CAMK4: variants seen among roughly 807,000 people sequenced by gnomAD.
CAMK4 encodes the protein calcium/calmodulin-dependent protein kinase type IV.
Under a neutral mutation model 44.9 loss-of-function variants are expected in CAMK4, and 22 were observed. That is an observed-to-expected ratio of 0.49 (90% CI 0.35 to 0.70). The LOEUF is 0.70. Among genes scored for constraint, CAMK4 ranks in the 30% least tolerant of loss-of-function variants. The pLI, the probability that CAMK4 is intolerant of heterozygous loss-of-function variation, is 0.01. For missense variants in CAMK4, 498 were observed against 586.8 expected (o/e 0.85, Z 1.56); for synonymous variants, 218 against 215.4 (o/e 1.01, Z -0.11).
intron 5 of CAMK4, among the ~76,000 whole-genome samples, chr5:111,443,074 G>T (rs903613227): frequency 1.4e-5 from 2 of 147,852 alleles, no homozygotes; most frequent in African/African-American, 4.9e-5. Context: ...TATCTTTTTG[G>T]GAAAAGAAAA....
Position 111,488,341 on chromosome 5 carries a change from C to T in CAMK4, c.*3875C>T, listed in dbSNP as rs1339944613. The T allele has an allele frequency of 1.3e-5, 2 of 152,156 alleles. No individual in the cohort carries two copies. The highest frequency in any genetic ancestry group is 4.8e-5 in the African/African-American group (2 of 41,434). 9.4% of individuals were successfully genotyped at this position (152,156 alleles called of 1,614,324 possible). On this transcript the variant is annotated 3_prime_UTR_variant, in exon 11 of 11. Coordinates refer to ENST00000282356, the MANE Select transcript of CAMK4 (RefSeq NM_001744.6). The stretch of plus-strand genomic sequence containing the variant: ...CTTAGAAGGGTTTAATCAACACTGC[C>T]ATTACACATGGATTTAACAAAAGAC...
chr5:111,264,454 G>A (rs770280759), intron 1 of CAMK4, among the ~76,000 whole-genome samples: 1 of 152,170 alleles, frequency 6.6e-6, no homozygotes, highest in African/African-American at 2.4e-5. Flanking sequence ...GTTCTTGAAT[G>A]CATGAAGGGT....
intron 1 of CAMK4, among the ~76,000 whole-genome samples, chr5:111,338,762 A>G (rs1245185342): frequency 2.0e-5 from 3 of 151,320 alleles, no homozygotes; most frequent in African/African-American, 7.3e-5. Flanking sequence ...TGAAGATCCG[A>G]TGGCTGTAGG....
chr5:111,418,885 T>A (rs1752914988), intron 5 of CAMK4, among the ~76,000 whole-genome samples: 1 of 152,198 alleles, frequency 6.6e-6, no homozygotes. Context: ...CTATTGTGAA[T>A]AGTGCCGCAA....
At chr5:111,274,626 A>G (rs1447583485) in intron 1 of CAMK4, among the ~76,000 whole-genome samples, 6 of 152,214 alleles carry the variant, frequency 3.9e-5, no homozygotes, top group Admixed American at 2.0e-4. Context: ...ATCAATGTGT[A>G]TGCACATTTA....
At chr5:111,404,301 C>T (rs912185702) in intron 5 of CAMK4, among the ~76,000 whole-genome samples, 1 of 152,166 alleles carries the variant, frequency 6.6e-6, no homozygotes, top group South Asian at 2.1e-4. Flanking sequence ...ACTTGGGACA[C>T]AAGGACACTC....
At chr5:111,253,832 A>G (rs1204142152) in intron 1 of CAMK4, among the ~76,000 whole-genome samples, 1 of 152,232 alleles carries the variant, frequency 6.6e-6, no homozygotes, top group Non-Finnish European at 1.5e-5. Context: ...ATATTTCTTC[A>G]TCTGAGATAA....
At chr5:111,265,571 A>T (rs1008760663) in intron 1 of CAMK4, among the ~76,000 whole-genome samples, 1 of 152,216 alleles carries the variant, frequency 6.6e-6, no homozygotes, top group South Asian at 2.1e-4. Flanking sequence ...TTAAGGCTTT[A>T]TCCAGCAGGT....
intron 1 of CAMK4, among the ~76,000 whole-genome samples, chr5:111,314,083 T>G (rs1748321962): frequency 6.6e-6 from 1 of 152,122 alleles, no homozygotes; most frequent in African/African-American, 2.4e-5. Flanking sequence ...TAATAGGAAG[T>G]AATGGAAAAA....
chr5:111,308,577 A>T lies in CAMK4; in HGVS notation c.162-35447A>T, dbSNP rs374342468. On this transcript the variant is annotated intron_variant, in intron 1 of 10. Transcript: ENST00000282356. ...TTGGGAGCAATCCTTTTTGGAGATCAATCCAAAATGACAGCTAAGCATCTC... is the reference window on the plus strand; with the variant it reads ...TTGGGAGCAATCCTTTTTGGAGATCTATCCAAAATGACAGCTAAGCATCTC... Among the ~76,000 whole-genome samples, 3 of 152,258 alleles carry T rather than the reference A, an allele frequency of 2.0e-5. No homozygotes were observed. In the East Asian group the frequency reaches 5.8e-4, roughly 29 times the overall value.
At chr5:111,318,182 C>T (rs774157841) in intron 1 of CAMK4, among the ~76,000 whole-genome samples, 1 of 152,074 alleles carries the variant, frequency 6.6e-6, no homozygotes, top group Non-Finnish European at 1.5e-5. Flanking sequence ...CTATCTATGA[C>T]ACAAAATGGC....
At chr5:111,314,243 G>A (rs1231212776) in intron 1 of CAMK4, among the ~76,000 whole-genome samples, 1 of 151,888 alleles carries the variant, frequency 6.6e-6, no homozygotes, top group Non-Finnish European at 1.5e-5. Flanking sequence ...ACTTTTTGGT[G>A]GTCTTGGAAC....
intron 2 of CAMK4, among the ~76,000 whole-genome samples, chr5:111,352,501 C>G (rs949038108): frequency 6.6e-6 from 1 of 151,948 alleles, no homozygotes; most frequent in South Asian, 2.1e-4. Flanking sequence ...GCTGCTATAA[C>G]ATAACATCAC....
At chr5:111,384,337 A>C (rs562714008) in intron 4 of CAMK4, among the ~76,000 whole-genome samples, 24 of 152,120 alleles carry the variant, frequency 1.6e-4, no homozygotes, top group African/African-American at 5.8e-4. Flanking sequence ...CTTTCGTCCA[A>C]CTTTTCAGCC....
At chr5:111,313,246 G>T (rs554252281) in intron 1 of CAMK4, among the ~76,000 whole-genome samples, 26 of 152,140 alleles carry the variant, frequency 1.7e-4, no homozygotes, top group African/African-American at 6.3e-4. Flanking sequence ...CTCACCCCCA[G>T]TTATGATAAC....
At chr5:111,383,669 G>A (rs1370803670) in intron 4 of CAMK4, among the ~76,000 whole-genome samples, 2 of 144,778 alleles carry the variant, frequency 1.4e-5, no homozygotes, top group East Asian at 2.0e-4. Context: ...GTTTCACCAT[G>A]TTCGCCAGGA....
At chr5:111,436,964 A>C (rs1753667724) in intron 5 of CAMK4, among the ~76,000 whole-genome samples, 1 of 152,256 alleles carries the variant, frequency 6.6e-6, no homozygotes, top group Non-Finnish European at 1.5e-5. Flanking sequence ...TAGAACAAAA[A>C]TGAATTAGGT....
rs1261323449 is a variant in CAMK4 at position 111,243,589 on chromosome 5, TG to T, written c.161+18947del. The stretch of plus-strand genomic sequence containing the variant: ...TCTATCATGACTGAGTTAACCTAAC[TG>T]GAAATTTTACTAGCCCTATCATGGG... On this transcript the variant is annotated intron_variant, in intron 1 of 10. Coordinates refer to ENST00000282356, the MANE Select transcript of CAMK4 (RefSeq NM_001744.6). Among the ~76,000 whole-genome samples, 6 of 152,208 alleles carry T rather than the reference TG, an allele frequency of 3.9e-5. No individual in the cohort carries two copies. In the South Asian group the frequency reaches 1.2e-3, roughly 32 times the overall value.
intron 1 of CAMK4, among the ~76,000 whole-genome samples, chr5:111,229,104 G>A (rs1748338382): frequency 6.6e-6 from 1 of 152,228 alleles, no homozygotes; most frequent in Admixed American, 6.5e-5. Context: ...AAGGGCTTCA[G>A]CCAATGTTCT....
Sources: allele counts gnomAD v4.1 joint callset (sites outside exome capture counted in the v4.1 genomes callset), GRCh38; gene constraint gnomAD v4.1.1; transcripts MANE v1.5; gene names NCBI Gene and HGNC (gene_info 2026-07-23, HGNC 2026-07-21).